The following GLA variants were observed in gnomAD, a reference collection of about 807,000 sequenced individuals.
GLA encodes the protein galactosidase alpha.
In GLA, 4 loss-of-function variants were observed where a neutral mutation model predicts 28.2. The ratio of observed to expected loss-of-function variants is 0.14; its 90% CI spans 0.07 to 0.32. The LOEUF (loss-of-function observed/expected upper bound fraction) is 0.32, where lower values mean the gene tolerates loss of function less well. GLA is among the 10% of genes least tolerant of loss of function. GLA has a pLI of 1.00. For missense variants in GLA, 203 were observed against 323.7 expected (o/e 0.63, Z 2.86); for synonymous variants, 94 against 113.0 (o/e 0.83, Z 1.07).
intron 5 of GLA, 108 bp from the exon 6 acceptor site, chrX:101,398,675 ACT>A: frequency 2.0e-6 from 2 of 1,008,427 alleles, no homozygotes; most frequent in East Asian, 3.0e-5. Flanking sequence ...TGCTCTAAGT[ACT>A]CTCACATAAA....
chrX:101,407,416 G>T (rs1219879548), intron 1 of GLA, among the ~76,000 whole-genome samples: 4 of 110,663 alleles, frequency 3.6e-5, no homozygotes, highest in Admixed American at 1.9e-4. Flanking sequence ...GGCAGGGAGA[G>T]AGAGAAAGAG....
intron 4 of GLA, among the ~76,000 whole-genome samples, 186 bp downstream of exon 4, chrX:101,400,480 C>T (rs1555985459): frequency 8.9e-6 from 1 of 112,108 alleles, no homozygotes; most frequent in Non-Finnish European, 1.9e-5. Flanking sequence ...ACAAGGATGA[C>T]TTTCCAGGTG....
rs1381284314 is a variant in GLA, at chrX:101,405,054, A to G, written c.195-1069T>C. On this transcript the variant is annotated intron_variant, in intron 1 of 6. Coordinates refer to ENST00000218516, the MANE Select transcript of GLA (RefSeq NM_000169.3). ...GGAGTTTGAGACCAGCCTGACCAAC[A>G]TGGAGAAACCCCATCTCTACTAAAA... is the stretch of plus-strand genomic sequence containing the variant. 2.2e-4 allele frequency among the ~76,000 whole-genome samples: 24 copies of G among 109,599 alleles called. No homozygotes were observed. In the Admixed American group the frequency reaches 2.3e-3, roughly 11 times the overall value.
rs782756052 is a variant in GLA at position 101,397,924 on chromosome X, C to G, written c.1175G>C (p.Arg392Thr). 5.8e-6 allele frequency: 7 copies of G among 1,211,048 alleles called. No homozygotes were observed. In the South Asian group the frequency reaches 8.8e-5, roughly 15 times the overall value. Residue 392 changes from arginine to threonine, a missense_variant, in exon 7 of 7, where the codon AGG (arginine) becomes ACG (threonine). By Grantham distance (71) the Arg-to-Thr change is moderately conservative. Around this residue, in one of 3 missense-constraint regions of GLA, gnomAD observed 162 missense variants for 246.8 expected, o/e 0.66. Transcript: ENST00000218516. The part of the protein sequence containing the change: ...CFITQLLPVK[R>T]KLGFYEWTSR... ...AGTCCATTCATAGAACCCTAGCTTC[C>G]TTTTCACAGGGAGGAGCTGTGTGAT...
rs181569849 is a variant in GLA at position 101,405,953 on chromosome X, C to T, written c.194+1757G>A. On this transcript the variant is annotated intron_variant, in intron 1 of 6. Transcript: ENST00000218516. ...GTAAGGCTGGGCACGGTGGCTCACA[C>T]CAGCACTTTGGGAGGCTGAGGCGGG... is the stretch of plus-strand genomic sequence containing the variant. Among the ~76,000 whole-genome samples the T allele has an allele frequency of 4.3e-3, 433 of 100,421 alleles. 4 individuals are homozygous for T. The highest frequency in any genetic ancestry group is 0.015 in the African/African-American group (415 of 26,817). The allele number at this position is 100,421 out of a possible 115,157, so 87.2% of individuals were successfully genotyped here. A position where few individuals can be genotyped will look rare whatever the true frequency, so the allele number is the denominator to read the frequency against.
Position 101,398,956 on chromosome X carries a change from CAG to C in GLA, c.640-12_640-11del, listed in dbSNP as rs782777866. 1.7e-6 allele frequency: 2 copies of C among 1,189,491 alleles called. 1 individual carries two copies. The highest frequency in any genetic ancestry group is 2.3e-6 in the Non-Finnish European group (2 of 877,407). On this transcript the variant is annotated splice_polypyrimidine_tract_variant and intron_variant, in intron 4 of 6. Coordinates refer to ENST00000218516, the MANE Select transcript of GLA (RefSeq NM_000169.3). ...TTTCTGTATAATTGGGCTGTGAAAA[CAG>C]ATATGACTCTTCTGTTTACTTTCTA...
At chrX:101,398,658 A>G in intron 5 of GLA, 91 bp from the exon 6 acceptor site, 1 of 1,010,850 alleles carries the variant, frequency 9.9e-7, no homozygotes, top group Non-Finnish European at 1.4e-6. Flanking sequence ...CACTTTCCAC[A>G]GCATCCTGCT....
chrX:101,404,116 G>A, intron 1 of GLA, 131 bp from the exon 2 acceptor site: 6 of 566,289 alleles, frequency 1.1e-5, no homozygotes, highest in Non-Finnish European at 1.8e-5. Flanking sequence ...CACAAGCAAT[G>A]TAAGGTAAAA....
chrX:101,399,717 C>T (rs1928232931), intron 4 of GLA: 1 of 112,515 alleles, frequency 8.9e-6, no homozygotes, highest in Admixed American at 9.4e-5. Context: ...CAAAGTCAGA[C>T]AAGGTCCCTG....
chrX:101,399,007 C>T, intron 4 of GLA, 61 bp from the exon 5 acceptor site: 1 of 1,025,227 alleles, frequency 9.8e-7, no homozygotes, highest in Non-Finnish European at 1.4e-6. Context: ...GAGATGAAAA[C>T]AGTTTAAAGG....
chrX:101,404,143 A>G (rs782311777), intron 1 of GLA, among the ~76,000 whole-genome samples, 158 bp from the exon 2 acceptor site: 3 of 112,193 alleles, frequency 2.7e-5, no homozygotes, highest in Non-Finnish European at 3.8e-5. Context: ...GTTTTTCCAG[A>G]TTTTCTTTTG....
At chrX:101,399,206 T>C (rs1307304538) in intron 4 of GLA, among the ~76,000 whole-genome samples, 1 of 112,383 alleles carries the variant, frequency 8.9e-6, no homozygotes, top group Non-Finnish European at 1.9e-5. Context: ...AGCTGCAAAA[T>C]TACATAGGAC....
intron 2 of GLA, among the ~76,000 whole-genome samples, chrX:101,402,881 G>A (rs1188364777): frequency 8.9e-6 from 1 of 111,969 alleles, no homozygotes; most frequent in Non-Finnish European, 1.9e-5. Context: ...CATTGCAATA[G>A]CTTCCTAAAG....
chrX:101,400,791 A>G, intron 3 of GLA, 34 bp from the exon 4 acceptor site: 1 of 754,066 alleles, frequency 1.3e-6, no homozygotes, highest in Non-Finnish European at 2.1e-6. Context: ...AATAAGGGAA[A>G]GAAATGAATT....
chrX:101,405,348 T>A (rs1333645283), intron 1 of GLA, among the ~76,000 whole-genome samples: 3 of 111,778 alleles, frequency 2.7e-5, no homozygotes, highest in East Asian at 5.6e-4. Flanking sequence ...AAAGAGGTCC[T>A]TCCAGCCATC....
chrX:101,398,954 A>AGGGCC lies in GLA; in HGVS notation c.640-9_640-8insGGCCC, dbSNP rs782143218. ...GATTTCTGTATAATTGGGCTGTGAA[A>AGGGCC]ACAGATATGACTCTTCTGTTTACTT... On this transcript the variant is annotated splice_polypyrimidine_tract_variant and intron_variant, in intron 4 of 6. Coordinates refer to ENST00000218516, the MANE Select transcript of GLA (RefSeq NM_000169.3). 1.7e-6 allele frequency: 2 copies of AGGGCC among 1,190,500 alleles called. 1 individual carries two copies. The highest frequency in any genetic ancestry group is 2.3e-6 in the Non-Finnish European group (2 of 878,279).
Position 101,403,806 on chromosome X carries a change from C to T in GLA, c.369+5G>A, listed in dbSNP as rs398123209. The T allele has an allele frequency of 3.3e-6, 4 of 1,201,895 alleles. No individual in the cohort carries two copies. The highest frequency in any genetic ancestry group is 1.8e-5 in the South Asian group (1 of 56,711). On this transcript the variant is annotated splice_donor_5th_base_variant and intron_variant, in intron 2 of 6. Coordinates refer to ENST00000218516, the MANE Select transcript of GLA (RefSeq NM_000169.3). ...AATGAACAAGAACATTATCTATAAA[C>T]TCACATAATTAGCTAGCTGGCGAAT...
Position 101,398,866 on chromosome X carries a change from CTT to C in GLA, c.718_719del (p.Lys240GlufsTer9), listed in dbSNP as rs869312389. 1 of 1,207,416 alleles carries C rather than the reference CTT, an allele frequency of 8.3e-7. No individual in the cohort carries two copies. Among genetic ancestry groups the C allele is most frequent in the Non-Finnish European group, 1.1e-6 (1 of 891,397 alleles). On this transcript the variant is annotated frameshift_variant, in exon 5 of 7. Coordinates refer to ENST00000218516, the MANE Select transcript of GLA (RefSeq NM_000169.3). LOFTEE classifies it high-confidence loss of function. ...TAAAAGATGTCCAGTCCAAGATACT[CTT>C]TATACTTTTCCAGGAATCATCAATG... ...ADIDDSWKSI[K>X]SILDWTSFNQ...
rs727505060 is a variant in GLA at position 101,403,860 on chromosome X, T to C, written c.320A>G (p.Gln107Arg). Residue 107 changes from glutamine (Q) to arginine (R), a missense_variant, in exon 2 of 7, where the codon CAG (glutamine) becomes CGG (arginine). By Grantham distance (43) the Gln-to-Arg change is conservative. Around this residue, in one of 3 missense-constraint regions of GLA, gnomAD observed 162 missense variants for 246.8 expected, o/e 0.66. Coordinates refer to ENST00000218516, the MANE Select transcript of GLA (RefSeq NM_000169.3). ...APQRDSEGRL[Q>R]ADPQRFPHGI... The stretch of plus-strand genomic sequence containing the variant: ...ATGAGGAAAGCGCTGAGGGTCTGCC[T>C]GAAGTCTGCCTTCTGAATCTCTTTG... 31 of 1,210,398 alleles carry C rather than the reference T, an allele frequency of 2.6e-5. No homozygotes were observed. Among genetic ancestry groups the C allele is most frequent in the Non-Finnish European group, 3.4e-5 (30 of 894,864 alleles).
Sources: allele counts gnomAD v4.1 joint callset (sites outside exome capture counted in the v4.1 genomes callset), GRCh38; gene constraint gnomAD v4.1.1; regional missense constraint gnomAD v4.1.1; transcripts MANE v1.5; gene names NCBI Gene and HGNC (gene_info 2026-07-23, HGNC 2026-07-21).